The following DPP6 variants were observed in gnomAD, a reference collection of about 807,000 sequenced individuals.
DPP6 encodes the protein dipeptidyl peptidase like 6.
A neutral mutation model predicts 122.6 loss-of-function variants in DPP6; 69 were observed. That is an observed-to-expected ratio of 0.56 (90% confidence interval 0.46 to 0.69). The LOEUF is 0.69. DPP6 is among the 30% of genes least tolerant of loss of function. The pLI, the probability that DPP6 is intolerant of heterozygous loss-of-function variation, is 0.00. For missense variants in DPP6, 928 were observed against 1,116.9 expected (o/e 0.83, Z 2.41); for synonymous variants, 418 against 433.1 (o/e 0.97, Z 0.43).
intron 8 of DPP6, among the ~76,000 whole-genome samples, chr7:154,735,212 CG>C (rs1243192561): frequency 6.6e-6 from 1 of 152,212 alleles, no homozygotes; most frequent in Non-Finnish European, 1.5e-5. Context: ...CTTCTGTCCA[CG>C]TTTAGATTCT....
At chr7:154,149,835 T>C (rs1456581040) in intron 1 of DPP6, among the ~76,000 whole-genome samples, 1 of 152,134 alleles carries the variant, frequency 6.6e-6, no homozygotes, top group Non-Finnish European at 1.5e-5. Flanking sequence ...CTCCCCACCG[T>C]GGTACCCCCC....
intron 16 of DPP6, among the ~76,000 whole-genome samples, chr7:154,820,140 T>C (rs1409606047): frequency 6.6e-6 from 1 of 152,180 alleles, no homozygotes; most frequent in African/African-American, 2.4e-5. Context: ...GCTGAAGCCA[T>C]GTGTCCACAG....
chr7:154,056,016 A>G (rs1800797364), intron 1 of DPP6: 1 of 152,198 alleles, frequency 6.6e-6, no homozygotes, highest in East Asian at 1.9e-4. Context: ...TTACCCAGCC[A>G]CAACCCAAAT....
chr7:154,045,110 C>G (rs1450538965), intron 1 of DPP6, among the ~76,000 whole-genome samples: 1 of 151,462 alleles, frequency 6.6e-6, no homozygotes, highest in Non-Finnish European at 1.5e-5. Context: ...ACTTAAACAT[C>G]AGTTCAAGGG....
the DPP6 span, among the ~76,000 whole-genome samples, chr7:153,802,200 A>G: frequency 1.3e-5 from 2 of 152,266 alleles, no homozygotes; most frequent in East Asian, 1.9e-4. Flanking sequence ...CACGTTGCCT[A>G]AGCCACCAGA....
intron 1 of DPP6, among the ~76,000 whole-genome samples, chr7:154,005,595 G>GA (rs1585163764): frequency 6.6e-6 from 1 of 151,780 alleles, no homozygotes; most frequent in Admixed American, 6.6e-5. Flanking sequence ...AGGAGAGCTG[G>GA]AGGGACCACA....
chr7:154,725,290 T>A (rs1335344771), intron 7 of DPP6, among the ~76,000 whole-genome samples: 1 of 152,214 alleles, frequency 6.6e-6, no homozygotes, highest in Non-Finnish European at 1.5e-5. Flanking sequence ...GATATTGTAT[T>A]AGTCCATTCT....
intron 5 of DPP6, among the ~76,000 whole-genome samples, chr7:154,607,418 G>A: frequency 8.6e-6 from 1 of 116,152 alleles, no homozygotes. Context: ...AAAATTAGCT[G>A]GGCATGGCGG....
chr7:154,569,115 A>T (rs1418805266), intron 5 of DPP6, among the ~76,000 whole-genome samples: 1 of 150,344 alleles, frequency 6.7e-6, no homozygotes, highest in Non-Finnish European at 1.5e-5. Flanking sequence ...AGGATTACAT[A>T]TGGGATTCTG....
In DPP6 at chr7:154,473,195, AC is replaced by A. The variant is rs1187939290; in HGVS notation, c.359-1743del. Among the ~76,000 whole-genome samples, 4 of 152,232 alleles carry A rather than the reference AC, an allele frequency of 2.6e-5. No individual in the cohort carries two copies. The South Asian group carries it at 6.2e-4, about 24-fold the overall frequency. On this transcript the variant is annotated intron_variant, in intron 2 of 25. Coordinates refer to ENST00000377770, the MANE Select transcript of DPP6 (RefSeq NM_130797.4). ...TTCTTAATTGCAAGATCAGAGTGTA[AC>A]TTTATTAGATTAATGTCTAGTAATT...
chr7:154,389,215 A>G (rs1312936827), intron 1 of DPP6, among the ~76,000 whole-genome samples: 1 of 152,168 alleles, frequency 6.6e-6, no homozygotes, highest in Non-Finnish European at 1.5e-5. Flanking sequence ...AGGAAAGCAG[A>G]GTGAAGATTT....
chr7:154,803,914 C>G lies in DPP6; in HGVS notation c.1458C>G (p.Asp486Glu), dbSNP rs373754267. The G allele has an allele frequency of 1.2e-6, 2 of 1,613,892 alleles. No homozygotes were observed. Among genetic ancestry groups the G allele is most frequent in the Non-Finnish European group, 8.5e-7 (1 of 1,179,840 alleles). The change falls in exon 14 of 26, where the codon GAC becomes GAG. Residue 486 changes from aspartate to glutamate, a missense_variant. Physicochemically the swap from Asp to Glu is conservative, Grantham distance 45. Transcript: ENST00000377770. ...AGTCCATCACCTCCGGGGACTGGGA[C>G]GTGACCAAGATCCTAGCCTACGATG... Reference protein sequence around the residue: ...NIQSITSGDWDVTKILAYDEK... With the variant: ...NIQSITSGDWEVTKILAYDEK...
chr7:154,395,494 A>G (rs1815001072), intron 1 of DPP6, among the ~76,000 whole-genome samples: 2 of 152,080 alleles, frequency 1.3e-5, no homozygotes, highest in East Asian at 1.9e-4. Context: ...ATTCCTAAGT[A>G]TTTTATTCTT....
intron 1 of DPP6, among the ~76,000 whole-genome samples, chr7:154,283,675 T>C (rs1420011336): frequency 1.3e-5 from 2 of 152,210 alleles, no homozygotes; most frequent in Admixed American, 1.3e-4. Context: ...ACAGAACTTG[T>C]GCATCGTTGA....
chr7:153,906,781 T>C (rs1347487954), intron 1 of DPP6, among the ~76,000 whole-genome samples: 1 of 152,172 alleles, frequency 6.6e-6, no homozygotes, highest in Non-Finnish European at 1.5e-5. Flanking sequence ...TGTCGAGCAA[T>C]TTCACTAAGG....
chr7:154,180,429 TA>T (rs1456598595), intron 1 of DPP6, among the ~76,000 whole-genome samples: 4 of 143,406 alleles, frequency 2.8e-5, no homozygotes, highest in Admixed American at 1.4e-4. Context: ...ATATAATATA[TA>T]ATATATATAC....
chr7:154,795,764 G>C, intron 11 of DPP6, 81 bp from the exon 12 acceptor site: 1 of 1,531,892 alleles, frequency 6.5e-7, no homozygotes, highest in Non-Finnish European at 8.8e-7. Context: ...CTGCACTGTC[G>C]GTCACAGACA....
chr7:154,842,666 C>G (rs889234905), intron 16 of DPP6, among the ~76,000 whole-genome samples: 4 of 152,112 alleles, frequency 2.6e-5, no homozygotes, highest in African/African-American at 7.2e-5. Context: ...TCACTTGCTT[C>G]CATTTGTTTA....
intron 1 of DPP6, among the ~76,000 whole-genome samples, chr7:153,919,825 G>T (rs1452944104): frequency 6.6e-6 from 1 of 152,144 alleles, no homozygotes; most frequent in Non-Finnish European, 1.5e-5. Context: ...TTTAGATTGG[G>T]GAAATCAAAT....
Sources: allele counts gnomAD v4.1 joint callset (sites outside exome capture counted in the v4.1 genomes callset), GRCh38; gene constraint gnomAD v4.1.1; transcripts MANE v1.5; gene names NCBI Gene and HGNC (gene_info 2026-07-23, HGNC 2026-07-21).